The following TAMM41 variants were observed in gnomAD, a reference collection of about 807,000 sequenced individuals.
TAMM41 encodes the protein phosphatidate cytidylyltransferase, mitochondrial.
In TAMM41, 36 loss-of-function variants were observed where a neutral mutation model predicts 44.1. The ratio of observed to expected loss-of-function variants is 0.82; its 90% CI spans 0.63 to 1.08. The LOEUF is 1.08. Ranked by LOEUF, TAMM41 falls within the 50% of genes least tolerant of loss-of-function variation. The pLI is 0.00. For missense variants in TAMM41, 417 were observed against 404.3 expected (o/e 1.03, Z -0.27); for synonymous variants, 164 against 153.1 (o/e 1.07, Z -0.53).
the TAMM41 span, among the ~76,000 whole-genome samples, chr3:11,749,905 T>C: frequency 1.5e-3 from 220 of 150,038 alleles, 1 homozygote; most frequent in African/African-American, 5.0e-3. Context: ...TTCTTTCTTT[T>C]TTTTTTTTTT....
chr3:11,837,285 C>T (rs917576567), intron 3 of TAMM41, among the ~76,000 whole-genome samples: 17 of 152,166 alleles, frequency 1.1e-4, no homozygotes, highest in African/African-American at 4.1e-4. Context: ...GCCTGGGACC[C>T]TCTCACGCAC....
chr3:11,723,874 A>G, the TAMM41 span, among the ~76,000 whole-genome samples: 2 of 152,004 alleles, frequency 1.3e-5, no homozygotes, highest in Non-Finnish European at 2.9e-5. Context: ...GTGTATTTTA[A>G]AAACAAAATA....
the TAMM41 span, among the ~76,000 whole-genome samples, chr3:11,750,797 T>G: frequency 2.0e-5 from 3 of 152,112 alleles, no homozygotes; most frequent in Non-Finnish European, 2.9e-5. Context: ...GTTTTATTGG[T>G]CAGGACTCTT....
intron 3 of TAMM41, among the ~76,000 whole-genome samples, chr3:11,835,967 C>T (rs1010600718): frequency 4.6e-5 from 7 of 151,480 alleles, no homozygotes; most frequent in Admixed American, 3.3e-4. Flanking sequence ...AGCAGTACTA[C>T]TCTGCTTCCA....
the TAMM41 span, among the ~76,000 whole-genome samples, chr3:11,745,277 G>C: frequency 6.6e-6 from 1 of 152,226 alleles, no homozygotes; most frequent in African/African-American, 2.4e-5. Flanking sequence ...GGTGCAGTGA[G>C]CCGTGATCGT....
intron 1 of TAMM41, among the ~76,000 whole-genome samples, chr3:11,846,133 C>T (rs1254945282): frequency 2.0e-5 from 3 of 152,370 alleles, no homozygotes; most frequent in South Asian, 2.1e-4. Context: ...GAATCTCCAT[C>T]GGCGGAAGCC....
At chr3:11,750,048 C>CGACT in the TAMM41 span, among the ~76,000 whole-genome samples, 21 of 151,938 alleles carry the variant, frequency 1.4e-4, no homozygotes, top group Non-Finnish European at 5.9e-5. Flanking sequence ...AGGCGCCTGC[C>CGACT]ACCACGCCCG....
chr3:11,784,801 T>C, the TAMM41 span, among the ~76,000 whole-genome samples: 29,052 of 134,366 alleles, frequency 0.22, 2,902 homozygotes, highest in Non-Finnish European at 0.25. Context: ...CTTTTCTTTT[T>C]TTTTTTTTTT....
chr3:11,781,829 G>A, the TAMM41 span, among the ~76,000 whole-genome samples: 353 of 151,828 alleles, frequency 2.3e-3, 2 homozygotes, highest in African/African-American at 8.3e-3. Flanking sequence ...CAACAAATTG[G>A]TGTGACCTTG....
the TAMM41 span, among the ~76,000 whole-genome samples, chr3:11,728,200 T>C: frequency 6.6e-6 from 1 of 152,260 alleles, no homozygotes; most frequent in Non-Finnish European, 1.5e-5. Flanking sequence ...AAACAGAGCT[T>C]TGAAGAAGCT....
intron 3 of TAMM41, 139 bp from the exon 4 acceptor site, chr3:11,830,003 G>C (rs1249489231): frequency 1.2e-5 from 9 of 761,314 alleles, no homozygotes; most frequent in Non-Finnish European, 1.9e-5. Flanking sequence ...ACACAAAATT[G>C]TTCCTCTAAT....
chr3:11,780,553 T>C, the TAMM41 span, among the ~76,000 whole-genome samples: 1 of 152,220 alleles, frequency 6.6e-6, no homozygotes, highest in Non-Finnish European at 1.5e-5. Context: ...TAGTTTTCTG[T>C]GCCTCTGTTT....
chr3:11,841,073 A>ATT (rs141805597), intron 2 of TAMM41, among the ~76,000 whole-genome samples: 7,522 of 83,838 alleles, frequency 0.09, 926 homozygotes, highest in East Asian at 0.12. Flanking sequence ...GCCCATTTCT[A>ATT]TTTTTTTTTT....
At chr3:11,728,139 A>G in the TAMM41 span, among the ~76,000 whole-genome samples, 1 of 152,214 alleles carries the variant, frequency 6.6e-6, no homozygotes, top group Non-Finnish European at 1.5e-5. Context: ...TCAAAAAAAA[A>G]GAAAGTGAAA....
the TAMM41 span, among the ~76,000 whole-genome samples, chr3:11,725,214 T>A: frequency 1.6e-5 from 2 of 124,300 alleles, no homozygotes; most frequent in Admixed American, 8.1e-5. Context: ...TCCTCCTCCT[T>A]CTCCTCCCTC....
chr3:11,843,907 A>C, intron 2 of TAMM41, 122 bp downstream of exon 2: 1 of 999,078 alleles, frequency 1.0e-6, no homozygotes, highest in Non-Finnish European at 1.5e-6. Context: ...TTTCCCGACT[A>C]TAACAACGTC....
chr3:11,773,625 TAGCTCAAC>T, the TAMM41 span, among the ~76,000 whole-genome samples: 16 of 152,204 alleles, frequency 1.1e-4, no homozygotes, highest in Admixed American at 2.6e-4. Context: ...TGACCCTGAG[TAGCTCAAC>T]AGCTTGTTTT....
At chr3:11,724,619 T>C in the TAMM41 span, among the ~76,000 whole-genome samples, 516 of 152,032 alleles carry the variant, frequency 3.4e-3, 5 homozygotes, top group African/African-American at 0.012. Context: ...TTTCGCCATG[T>C]TGACCAAGTT....
At chr3:11,763,645 A>G in the TAMM41 span, among the ~76,000 whole-genome samples, 1 of 152,232 alleles carries the variant, frequency 6.6e-6, no homozygotes, top group African/African-American at 2.4e-5. Flanking sequence ...GTAATTTCCC[A>G]TAATATTACT....
Sources: gnomAD v4.1 joint callset for allele counts (sites outside exome capture counted in the v4.1 genomes callset) on GRCh38, gnomAD v4.1.1 for gene constraint, MANE v1.5 for transcripts, NCBI Gene and HGNC (gene_info 2026-07-23, HGNC 2026-07-21) for gene names.